The following SLC24A2 variants were observed in gnomAD, a reference collection of about 807,000 sequenced individuals.
SLC24A2 encodes sodium/potassium/calcium exchanger 2.
Under a neutral mutation model 62.0 loss-of-function variants are expected in SLC24A2, and 36 were observed. The observed-to-expected ratio is 0.58, with a 90% CI of 0.44 to 0.77. The LOEUF is 0.77. SLC24A2 is among the 30% of genes least tolerant of loss of function. The pLI, the probability that SLC24A2 is intolerant of heterozygous loss-of-function variation, is 0.00. For synonymous variants in SLC24A2, 358 were observed against 294.0 expected, an observed-to-expected ratio of 1.22 and a Z score of -2.23; for missense variants, 846 against 817.9, an observed-to-expected ratio of 1.03 and a Z score of -0.42.
intron 4 of SLC24A2, 75 bp from the exon 5 acceptor site, chr9:19,597,354 A>G: frequency 3.0e-6 from 3 of 995,006 alleles, no homozygotes; most frequent in Non-Finnish European, 4.9e-6. Context: ...ACACATTTTT[A>G]ATTAATCAGA....
rs1266105148 is a variant in SLC24A2, at chr9:19,786,170, G to T, written c.697C>A (p.Leu233Met). 12 of 1,614,140 alleles carry T rather than the reference G, an allele frequency of 7.4e-6. No homozygotes were observed. Among genetic ancestry groups the T allele is most frequent in the African/African-American group, 1.3e-5 (1 of 75,058 alleles). Reference sequence around the variant, plus strand: ...TCTCGAAAGAGCGGCCACCATGTCAGGTTTAAGATTTCTCTAGAAAACAGA... The same window carrying T: ...TCTCGAAAGAGCGGCCACCATGTCATGTTTAAGATTTCTCTAGAAAACAGA... ...CALFSREILN[L>M]TWWPLFRDVS... Residue 233 changes from leucine (L) to methionine (M), a missense_variant, in exon 2 of 11, where the codon CTG becomes ATG. Transcript: ENST00000341998. This position sits in a 1 kb window ranked among gnomAD's most constrained non-coding sequence, Gnocchi z 5.0.
chr9:20,195,377 A>T, the SLC24A2 span, among the ~76,000 whole-genome samples: 1 of 152,208 alleles, frequency 6.6e-6, no homozygotes, highest in South Asian at 2.1e-4. Context: ...TGGCATCAGC[A>T]AACATCTAAG....
the SLC24A2 span, among the ~76,000 whole-genome samples, chr9:19,810,177 G>A: frequency 9.8e-4 from 149 of 152,244 alleles, no homozygotes; most frequent in Middle Eastern, 6.8e-3. Flanking sequence ...GGATTAGTGA[G>A]GGTAGCTGGG....
the SLC24A2 span, among the ~76,000 whole-genome samples, chr9:19,976,951 G>C: frequency 6.6e-6 from 1 of 152,086 alleles, no homozygotes; most frequent in Non-Finnish European, 1.5e-5. Context: ...TAAACATAGT[G>C]AACATATTTT....
the SLC24A2 span, among the ~76,000 whole-genome samples, chr9:20,086,148 A>G: frequency 1.3e-5 from 2 of 152,136 alleles, no homozygotes; most frequent in Non-Finnish European, 2.9e-5. Context: ...ATCTCCTAAT[A>G]TGTTCATAAT....
chr9:20,148,772 C>T, the SLC24A2 span, among the ~76,000 whole-genome samples: 1 of 151,994 alleles, frequency 6.6e-6, no homozygotes, highest in South Asian at 2.1e-4. Flanking sequence ...CTTTAGAAGT[C>T]CCAGTCTCAA....
the SLC24A2 span, among the ~76,000 whole-genome samples, chr9:20,069,017 A>G: frequency 6.7e-6 from 1 of 149,834 alleles, no homozygotes; most frequent in Non-Finnish European, 1.5e-5. Flanking sequence ...AATGTTCCAA[A>G]CTATACTCAT....
chr9:20,294,792 G>T, the SLC24A2 span, among the ~76,000 whole-genome samples: 1 of 152,060 alleles, frequency 6.6e-6, no homozygotes, highest in Non-Finnish European at 1.5e-5. Context: ...AGTGCACGTT[G>T]GTGACAGAAG....
chr9:19,994,446 C>T, the SLC24A2 span, among the ~76,000 whole-genome samples: 1 of 152,188 alleles, frequency 6.6e-6, no homozygotes, highest in African/African-American at 2.4e-5. Context: ...TAGAACACTG[C>T]CAATTGGTTT....
chr9:19,845,514 T>C, the SLC24A2 span, among the ~76,000 whole-genome samples: 2 of 152,142 alleles, frequency 1.3e-5, no homozygotes, highest in Non-Finnish European at 2.9e-5. Context: ...TTGCAGTCTA[T>C]TGATTTTATT....
At chr9:20,159,194 A>G in the SLC24A2 span, among the ~76,000 whole-genome samples, 2 of 151,672 alleles carry the variant, frequency 1.3e-5, no homozygotes, top group African/African-American at 4.8e-5. Flanking sequence ...TAATATGTGG[A>G]ATATCATACA....
rs1356921014 is a variant in SLC24A2, at chr9:19,772,727, G to A, written c.930+13210C>T. ...ATGTCGGCAAAGATGTGGAGAAATC[G>A]GAACTCTCATACACACAGGAAAGCA... is the stretch of plus-strand genomic sequence containing the variant. On this transcript the variant is annotated intron_variant, in intron 2 of 10. Coordinates refer to ENST00000341998, the MANE Select transcript of SLC24A2 (RefSeq NM_020344.4). 8.5e-5 allele frequency among the ~76,000 whole-genome samples: 13 copies of A among 152,210 alleles called. No homozygotes were observed. The South Asian group carries it at 1.7e-3, about 19-fold the overall frequency.
chr9:19,925,168 T>C, the SLC24A2 span, among the ~76,000 whole-genome samples: 2 of 152,138 alleles, frequency 1.3e-5, no homozygotes, highest in African/African-American at 4.8e-5. Context: ...CAAACAAACA[T>C]CAGACGTTCT....
At chr9:20,129,196 T>C in the SLC24A2 span, among the ~76,000 whole-genome samples, 1 of 152,102 alleles carries the variant, frequency 6.6e-6, no homozygotes, top group Non-Finnish European at 1.5e-5. Flanking sequence ...GAAAATATGC[T>C]CAGTATCATT....
intron 7 of SLC24A2, among the ~76,000 whole-genome samples, chr9:19,563,831 TCCCTCCCTCC>T (rs1563968857): frequency 1.5e-5 from 1 of 67,688 alleles, no homozygotes. Context: ...CCTTCCTCCC[TCCCTCCCTCC>T]CTCCCTCCCT....
chr9:19,845,057 A>T, the SLC24A2 span, among the ~76,000 whole-genome samples: 1 of 151,716 alleles, frequency 6.6e-6, no homozygotes, highest in South Asian at 2.1e-4. Flanking sequence ...GAAAAATGAC[A>T]TTGGTACTTT....
the SLC24A2 span, among the ~76,000 whole-genome samples, chr9:19,907,659 C>A: frequency 7.2e-5 from 11 of 152,074 alleles, no homozygotes; most frequent in African/African-American, 1.7e-4. Context: ...GTGCAAAAAT[C>A]AAAAATCACA....
the SLC24A2 span, among the ~76,000 whole-genome samples, chr9:20,047,660 TC>T: frequency 6.9e-6 from 1 of 145,120 alleles, no homozygotes; most frequent in Non-Finnish European, 1.5e-5. Flanking sequence ...GGCCGCCTTC[TC>T]ATTGTAAATG....
At chr9:20,030,408 C>T in the SLC24A2 span, among the ~76,000 whole-genome samples, 3 of 152,140 alleles carry the variant, frequency 2.0e-5, no homozygotes, top group Non-Finnish European at 4.4e-5. Context: ...CCGAGCTCCT[C>T]CTGTACAACC....
Sources: allele counts gnomAD v4.1 joint callset (sites outside exome capture counted in the v4.1 genomes callset), GRCh38; gene constraint gnomAD v4.1.1; non-coding constraint Gnocchi (gnomAD v3.1); transcripts MANE v1.5; gene names NCBI Gene and HGNC (gene_info 2026-07-23, HGNC 2026-07-21).